Variants in CELSR1 observed in about 807,000 individuals in gnomAD.
CELSR1 encodes cadherin EGF LAG seven-pass G-type receptor 1.
CELSR1 carries 110 observed loss-of-function variants against 249.1 expected under a neutral mutation model. The observed-to-expected ratio is 0.44, with a 90% CI of 0.38 to 0.52. CELSR1 has a LOEUF of 0.52. Ranked by LOEUF, CELSR1 falls within the 20% of genes least tolerant of loss-of-function variation. The pLI is 0.00. For missense variants in CELSR1, 4,109 were observed against 4,296.4 expected (o/e 0.96, Z 1.22); for synonymous variants, 2,113 against 1,900.0 (o/e 1.11, Z -2.92).
At chr22:46,367,664 G>T (rs954507086) in intron 28 of CELSR1, 65 bp downstream of exon 28, 11 of 1,547,488 alleles carry the variant, frequency 7.1e-6, no homozygotes, top group Middle Eastern at 1.9e-4. Context: ...CCACTGCTTC[G>T]CATCACAGCG....
intron 1 of CELSR1, among the ~76,000 whole-genome samples, chr22:46,509,950 C>T (rs5767238): frequency 0.65 from 98,334 of 152,130 alleles, 32,016 homozygotes; most frequent in East Asian, 0.77. Flanking sequence ...ACTCACAGGG[C>T]GCAGGTGACA....
intron 1 of CELSR1, among the ~76,000 whole-genome samples, chr22:46,491,637 C>CCCTTTTT (rs2080368383): frequency 7.3e-6 from 1 of 136,216 alleles, no homozygotes; most frequent in Admixed American, 7.6e-5. Flanking sequence ...CTCTCTCTCT[C>CCCTTTTT]TTTTTTTTTT....
intron 1 of CELSR1, among the ~76,000 whole-genome samples, chr22:46,494,377 T>G (rs2080394707): frequency 6.6e-6 from 1 of 152,226 alleles, no homozygotes; most frequent in Non-Finnish European, 1.5e-5. Flanking sequence ...TCTAAATTAT[T>G]CTGTACCAAT....
In CELSR1 at chr22:46,447,662, G is replaced by A. The variant is rs1404610032; in HGVS notation, c.4184-8251C>T. 2.0e-5 allele frequency among the ~76,000 whole-genome samples: 3 copies of A among 152,128 alleles called. No individual in the cohort carries two copies. The highest frequency in any genetic ancestry group is 4.8e-5 in the African/African-American group (2 of 41,440). ...CTTTTTAAGAGAGTCTTACTCTGTC[G>A]CCCAGGCTGGAGTGCAATGGTGCGA... On this transcript the variant is annotated intron_variant, in intron 2 of 34. Coordinates refer to ENST00000674500, the MANE Select transcript of CELSR1 (RefSeq NM_001378328.1). The surrounding 1 kb of genome is among the most constrained non-coding windows in gnomAD (Gnocchi z 4.7).
At chr22:46,442,470 T>A (rs2079763122) in intron 2 of CELSR1, among the ~76,000 whole-genome samples, 1 of 151,680 alleles carries the variant, frequency 6.6e-6, no homozygotes, top group African/African-American at 2.4e-5. Flanking sequence ...CGACCTCCCC[T>A]CTGCCCAGGC....
chr22:46,441,203 TC>T lies in CELSR1; in HGVS notation c.4184-1793del. On this transcript the variant is annotated intron_variant, in intron 2 of 34. Transcript: ENST00000674500. The surrounding 1 kb of genome is among the most constrained non-coding windows in gnomAD (Gnocchi z 6.1). ...CTATAAAGATGGAACTGGGGGGACATCCAATGTGAGGATACTCAGTGCATAA... is the reference window on the plus strand; with the variant it reads ...CTATAAAGATGGAACTGGGGGGACATCAATGTGAGGATACTCAGTGCATAA... 6.8e-6 allele frequency among the ~76,000 whole-genome samples: 1 copy of T among 147,744 alleles called. No homozygotes were observed. Among genetic ancestry groups the T allele is most frequent in the African/African-American group, 2.5e-5 (1 of 40,170 alleles).
Position 46,386,445 on chromosome 22 carries a change from C to T in CELSR1, c.6696G>A (p.Arg2232=), listed in dbSNP as rs2079034517. 6.2e-7 allele frequency: 1 copy of T among 1,601,000 alleles called. No homozygotes were observed. Among genetic ancestry groups the T allele is most frequent in the South Asian group, 1.1e-5 (1 of 89,450 alleles). ...GYFSNVARNV[R]RTYLRPFVIV... ...TGACGAAGGGCCGCAGGTACGTCCG[C>T]CGCACGTTGCGTGCCACGTTGCTGA... is the stretch of plus-strand genomic sequence containing the variant. The change falls in exon 19 of 35, where the codon CGG becomes CGA. Residue 2232 remains arginine (R), a synonymous_variant. Coordinates refer to ENST00000674500, the MANE Select transcript of CELSR1 (RefSeq NM_001378328.1).
At position 46,399,086 on chromosome 22, in the gene CELSR1, A is replaced by G. The variant is rs1022180316; in HGVS notation, c.5413-449T>C. ...GCCTGGAACACACCTATTTACTCCC[A>G]GGTCTGTGTTGTAAGATGAGCCTTG... On this transcript the variant is annotated intron_variant, in intron 10 of 34. Transcript: ENST00000674500. This position sits in a 1 kb window ranked among gnomAD's most constrained non-coding sequence, Gnocchi z 5.0. Among the ~76,000 whole-genome samples the G allele has an allele frequency of 6.6e-6, 1 of 152,182 alleles. No homozygotes were observed. Among genetic ancestry groups the G allele is most frequent in the African/African-American group, 2.4e-5 (1 of 41,446 alleles).
chr22:46,396,680 A>G lies in CELSR1; in HGVS notation c.5768T>C (p.Val1923Ala). The change falls in exon 13 of 35, where the codon GTG (valine) becomes GCG (alanine). Residue 1923 changes from valine (V) to alanine (A), a missense_variant. By Grantham distance (64) the Val-to-Ala change is moderately conservative (BLOSUM62 0). Around this residue, in one of 7 missense-constraint regions of CELSR1, gnomAD observed 1,805 missense variants for 1,831.6 expected, o/e 0.99. Transcript: ENST00000674500. The surrounding 1 kb of genome is among the most constrained non-coding windows in gnomAD (Gnocchi z 6.4). ...LNPCENMGAC[V>A]RSPGSPQGYV... ...GCCCTGCGGGGAGCCGGGGGAGCGC[A>G]CGCAGGCCCCCATGTTCTCGCAGGG... 2 of 1,613,076 alleles carry G rather than the reference A, an allele frequency of 1.2e-6. No homozygotes were observed. The highest frequency in any genetic ancestry group is 1.7e-6 in the Non-Finnish European group (2 of 1,179,652).
rs146683479 is a variant in CELSR1, at chr22:46,462,347, G to T, written c.4183+1360C>A. ...GGAAGTCAGAGCCGGGAGCACCCTT[G>T]CATCAGGCTGCCAACACCCGTGCTG... is the stretch of plus-strand genomic sequence containing the variant. On this transcript the variant is annotated intron_variant, in intron 2 of 34. Transcript: ENST00000674500. Among the ~76,000 whole-genome samples, 579 of 152,278 alleles carry T rather than the reference G, an allele frequency of 3.8e-3. 9 individuals are homozygous for T. The highest frequency in any genetic ancestry group is 0.013 in the African/African-American group (554 of 41,568).
At chr22:46,460,511 T>C (rs1261266887) in intron 2 of CELSR1, among the ~76,000 whole-genome samples, 1 of 152,144 alleles carries the variant, frequency 6.6e-6, no homozygotes, top group Non-Finnish European at 1.5e-5. Flanking sequence ...GGGCCCTGTG[T>C]CTGGACCCAC....
intron 1 of CELSR1, among the ~76,000 whole-genome samples, chr22:46,519,228 C>T (rs2080660154): frequency 6.6e-6 from 1 of 152,158 alleles, no homozygotes; most frequent in Admixed American, 6.5e-5. Context: ...TGTTGCACAC[C>T]ACTGTGATGT....
chr22:46,441,116 G>A lies in CELSR1; in HGVS notation c.4184-1705C>T, dbSNP rs1400766373. ...TGTAGCGAGCCGAGGTCACACTACCGCACTCCAGCCTAGGTGCCAGAGCGA... is the reference window on the plus strand; with the variant it reads ...TGTAGCGAGCCGAGGTCACACTACCACACTCCAGCCTAGGTGCCAGAGCGA... On this transcript the variant is annotated intron_variant, in intron 2 of 34. Coordinates refer to ENST00000674500, the MANE Select transcript of CELSR1 (RefSeq NM_001378328.1). This position sits in a 1 kb window ranked among gnomAD's most constrained non-coding sequence, Gnocchi z 6.1. Among the ~76,000 whole-genome samples, 7 of 149,028 alleles carry A rather than the reference G, an allele frequency of 4.7e-5. No homozygotes were observed. Among genetic ancestry groups the A allele is most frequent in the Admixed American group, 1.4e-4 (2 of 14,686 alleles).
intron 30 of CELSR1, among the ~76,000 whole-genome samples, chr22:46,366,056 G>A (rs1377373977): frequency 1.0e-3 from 6 of 5,752 alleles, no homozygotes; most frequent in Non-Finnish European, 1.1e-3. Flanking sequence ...TCAGGGGAAA[G>A]GTGGAGGGGG....
At position 46,512,148 on chromosome 22, in the gene CELSR1, T is replaced by A. The variant is rs776106369; in HGVS notation, c.3544+21479A>T. Among the ~76,000 whole-genome samples, 11 of 151,594 alleles carry A rather than the reference T, an allele frequency of 7.3e-5. No homozygotes were observed. The highest frequency in any genetic ancestry group is 1.5e-4 in the Non-Finnish European group (10 of 67,970). On this transcript the variant is annotated intron_variant, in intron 1 of 34. Transcript: ENST00000674500. This position sits in a 1 kb window ranked among gnomAD's most constrained non-coding sequence, Gnocchi z 5.2. ...GTGGCAAACACAGCAGCAGCAAGAG[T>A]GACGGCGGCGCTCATAAGCCCTTAC...
At chr22:46,507,966 C>T (rs775475820) in intron 1 of CELSR1, among the ~76,000 whole-genome samples, 11 of 152,218 alleles carry the variant, frequency 7.2e-5, no homozygotes, top group Non-Finnish European at 1.6e-4. Context: ...GTTCCCAGGC[C>T]GTAGGCTCCT....
chr22:46,502,631 T>C (rs879317862), intron 1 of CELSR1, among the ~76,000 whole-genome samples: 1 of 152,166 alleles, frequency 6.6e-6, no homozygotes, highest in Non-Finnish European at 1.5e-5. Flanking sequence ...GCCAATACTT[T>C]GCTTTGTGCT....
chr22:46,389,598 C>T (rs1160111673), intron 17 of CELSR1, 99 bp from the exon 18 acceptor site: 1 of 1,280,700 alleles, frequency 7.8e-7, no homozygotes, highest in Non-Finnish European at 1.1e-6. Context: ...TGCAAGTTTC[C>T]TTGTCAGAAA....
intron 9 of CELSR1, among the ~76,000 whole-genome samples, chr22:46,403,775 C>T (rs2147299317): frequency 6.6e-6 from 1 of 151,930 alleles, no homozygotes; most frequent in East Asian, 1.9e-4. Context: ...GGGATCGAGA[C>T]CAGCATGGCC....
Sources: allele counts gnomAD v4.1 joint callset (sites outside exome capture counted in the v4.1 genomes callset), GRCh38; gene constraint gnomAD v4.1.1; regional missense constraint gnomAD v4.1.1; non-coding constraint Gnocchi (gnomAD v3.1); transcripts MANE v1.5; gene names NCBI Gene and HGNC (gene_info 2026-07-23, HGNC 2026-07-21).